The following CHRM3 variants were observed in gnomAD, a reference collection of about 807,000 sequenced individuals.
CHRM3 encodes the protein muscarinic acetylcholine receptor M3.
Under a neutral mutation model 41.8 loss-of-function variants are expected in CHRM3, and 11 were observed. That is an observed-to-expected ratio of 0.26 (90% confidence interval 0.17 to 0.44). The LOEUF is 0.44. CHRM3 is among the 20% of genes least tolerant of loss of function. The probability of loss-of-function intolerance (pLI) is 1.00; values close to 1 mark genes in which losing one functional copy is unlikely to be tolerated. For missense variants in CHRM3, 571 were observed against 745.4 expected (o/e 0.77, Z 2.72); for synonymous variants, 297 against 301.4 (o/e 0.99, Z 0.15).
intron 6 of CHRM3, among the ~76,000 whole-genome samples, chr1:239,876,654 A>G (rs551722701): frequency 1.3e-5 from 2 of 152,318 alleles, no homozygotes; most frequent in Admixed American, 1.3e-4. Context: ...CCAGATATGC[A>G]TTCCTGGGAC....
chr1:239,642,064 T>C lies in CHRM3; in HGVS notation c.-250+9778T>C, dbSNP rs1162343408. Among the ~76,000 whole-genome samples, 5 of 127,746 alleles carry C rather than the reference T, an allele frequency of 3.9e-5. 1 individual carries two copies. The highest frequency in any genetic ancestry group is 1.6e-4 in the African/African-American group (5 of 31,728). The allele number at this position is 127,746 out of a possible 152,430, so 83.8% of individuals were successfully genotyped here. On this transcript the variant is annotated intron_variant, in intron 4 of 6. Coordinates refer to ENST00000676153, the MANE Select transcript of CHRM3 (RefSeq NM_001375978.1). Reference sequence around the variant, plus strand: ...GGATATGAAATTCTGGGTTGAAAATTCTTTTCTTTAAGAATGTTGAATATT... The same window carrying C: ...GGATATGAAATTCTGGGTTGAAAATCCTTTTCTTTAAGAATGTTGAATATT...
chr1:239,436,946 C>G (rs367548356), intron 1 of CHRM3, among the ~76,000 whole-genome samples: 2 of 152,014 alleles, frequency 1.3e-5, no homozygotes, highest in Non-Finnish European at 2.9e-5. Flanking sequence ...GGTGATCTCT[C>G]GTGGGATTAC....
At chr1:239,611,324 A>G (rs1391787843) in intron 3 of CHRM3, among the ~76,000 whole-genome samples, 2 of 151,778 alleles carry the variant, frequency 1.3e-5, no homozygotes, top group African/African-American at 4.8e-5. Context: ...ACACTCTGAT[A>G]TGCTCATTTT....
chr1:239,423,531 A>G (rs1271173237), intron 1 of CHRM3, among the ~76,000 whole-genome samples: 1 of 152,196 alleles, frequency 6.6e-6, no homozygotes, highest in Non-Finnish European at 1.5e-5. Context: ...TTGGGAAACC[A>G]GGACATTAAA....
intron 4 of CHRM3, among the ~76,000 whole-genome samples, chr1:239,635,495 T>C (rs774987901): frequency 6.6e-6 from 1 of 152,240 alleles, no homozygotes; most frequent in Non-Finnish European, 1.5e-5. Flanking sequence ...TCTTGTTTAC[T>C]ACTTGACCCT....
chr1:239,474,657 T>A (rs1242110866), intron 1 of CHRM3, among the ~76,000 whole-genome samples: 3 of 152,064 alleles, frequency 2.0e-5, no homozygotes, highest in African/African-American at 7.2e-5. Flanking sequence ...AGTAATGTAA[T>A]TATTGACAAA....
intron 3 of CHRM3, among the ~76,000 whole-genome samples, chr1:239,596,846 A>G (rs1003685219): frequency 6.6e-6 from 1 of 152,154 alleles, no homozygotes; most frequent in Non-Finnish European, 1.5e-5. Flanking sequence ...CATATATATA[A>G]TCTTTTAAAT....
intron 6 of CHRM3, among the ~76,000 whole-genome samples, chr1:239,837,143 C>T (rs1347964627): frequency 6.6e-6 from 1 of 152,162 alleles, no homozygotes; most frequent in Non-Finnish European, 1.5e-5. Flanking sequence ...CACAGGCTAG[C>T]TAAACCATGA....
Position 239,914,697 on chromosome 1 carries a change from AAAG to A in CHRM3, c.*5477_*5479del, listed in dbSNP as rs1236755886. ...GGCTTCTCGGTTACTTGCCTTAGTA[AAAG>A]AAGTATCTGGAGGGCCTGGAGAGTT... is the stretch of plus-strand genomic sequence containing the variant. On this transcript the variant is annotated 3_prime_UTR_variant, in exon 7 of 7. Transcript: ENST00000676153. 1.2e-5 allele frequency: 2 copies of A among 167,088 alleles called. No individual in the cohort carries two copies. The highest frequency in any genetic ancestry group is 6.5e-5 in the Admixed American group (1 of 15,282). 10.4% of individuals were successfully genotyped at this position (167,088 alleles called of 1,614,324 possible). A position where few individuals can be genotyped will look rare whatever the true frequency, so the allele number is the denominator to read the frequency against.
intron 1 of CHRM3, among the ~76,000 whole-genome samples, chr1:239,416,709 AC>A (rs1362512528): frequency 6.6e-6 from 1 of 152,132 alleles, no homozygotes; most frequent in East Asian, 1.9e-4. Flanking sequence ...AGGCTAGGAG[AC>A]TTTCTGGAAG....
chr1:239,639,738 A>C (rs1670890386), intron 4 of CHRM3, among the ~76,000 whole-genome samples: 1 of 151,370 alleles, frequency 6.6e-6, no homozygotes, highest in Non-Finnish European at 1.5e-5. Context: ...CTCTTCTCCT[A>C]ATTGAATACC....
chr1:239,589,578 C>G (rs1317703948), intron 3 of CHRM3, among the ~76,000 whole-genome samples: 1 of 145,020 alleles, frequency 6.9e-6, no homozygotes, highest in South Asian at 2.2e-4. Flanking sequence ...TTTTCATGAA[C>G]AGTGCTTGCA....
chr1:239,817,807 C>T (rs998869340), intron 5 of CHRM3, among the ~76,000 whole-genome samples: 3 of 152,152 alleles, frequency 2.0e-5, no homozygotes, highest in Non-Finnish European at 4.4e-5. Flanking sequence ...TACAATGTTA[C>T]TGTCCACCAC....
At chr1:239,481,364 T>TA in intron 1 of CHRM3, among the ~76,000 whole-genome samples, 1 of 152,280 alleles carries the variant, frequency 6.6e-6, no homozygotes, top group Non-Finnish European at 1.5e-5. Context: ...CTTTATTTAT[T>TA]TTTTTTACTT....
At chr1:239,619,636 G>A (rs528678889) in intron 3 of CHRM3, among the ~76,000 whole-genome samples, 55 of 152,242 alleles carry the variant, frequency 3.6e-4, no homozygotes, top group African/African-American at 1.3e-3. Context: ...TGTGGCGGAA[G>A]CACCCAAAAG....
intron 5 of CHRM3, among the ~76,000 whole-genome samples, chr1:239,719,860 A>G (rs1662761088): frequency 6.6e-6 from 1 of 151,960 alleles, no homozygotes; most frequent in Non-Finnish European, 1.5e-5. Flanking sequence ...GCCTGTGGGA[A>G]AGGGGTGATA....
At chr1:239,877,059 TA>T (rs1200869970) in intron 6 of CHRM3, among the ~76,000 whole-genome samples, 1 of 152,222 alleles carries the variant, frequency 6.6e-6, no homozygotes, top group Non-Finnish European at 1.5e-5. Context: ...TAAGCAAATT[TA>T]GGTTAAAAAT....
At chr1:239,813,449 G>T (rs573483578) in intron 5 of CHRM3, among the ~76,000 whole-genome samples, 1 of 152,176 alleles carries the variant, frequency 6.6e-6, no homozygotes, top group African/African-American at 2.4e-5. Context: ...TGACAAAGTG[G>T]CATTTCTAAC....
At chr1:239,876,824 T>C (rs1677147901) in intron 6 of CHRM3, among the ~76,000 whole-genome samples, 3 of 152,236 alleles carry the variant, frequency 2.0e-5, no homozygotes, top group Non-Finnish European at 1.5e-5. Context: ...CCCTAGTGTT[T>C]ACTCAGCACT....
Sources: allele counts gnomAD v4.1 joint callset (sites outside exome capture counted in the v4.1 genomes callset), GRCh38; gene constraint gnomAD v4.1.1; transcripts MANE v1.5; gene names NCBI Gene and HGNC (gene_info 2026-07-23, HGNC 2026-07-21).